The following KCNH1 variants were observed in gnomAD, a reference collection of about 807,000 sequenced individuals.
KCNH1 encodes the protein potassium voltage-gated channel subfamily H member 1.
Under a neutral mutation model 69.2 loss-of-function variants are expected in KCNH1, and 27 were observed. The observed-to-expected ratio is 0.39, with a 90% CI of 0.29 to 0.54. The LOEUF is 0.54. Among genes scored for constraint, KCNH1 ranks in the 20% least tolerant of loss-of-function variants. The pLI, the probability that KCNH1 is intolerant of heterozygous loss-of-function variation, is 0.68. For synonymous variants in KCNH1, 456 were observed against 487.7 expected (o/e 0.93, Z 0.86); for missense variants, 798 against 1,261.6 (o/e 0.63, Z 5.57).
chr1:210,726,890 A>G lies in KCNH1; in HGVS notation c.2113-42752T>C, dbSNP rs1256306127. The stretch of plus-strand genomic sequence containing the variant: ...AGAAGTGCCTGCTTACTCAACCCTC[A>G]ATAGAGAGGGGTGGGTATGGAAACC... On this transcript the variant is annotated intron_variant, in intron 10 of 10. Transcript: ENST00000271751. Among the ~76,000 whole-genome samples, 12 of 152,080 alleles carry G rather than the reference A, an allele frequency of 7.9e-5. No homozygotes were observed. In the East Asian group the frequency reaches 2.3e-3, roughly 29 times the overall value.
intron 7 of KCNH1, among the ~76,000 whole-genome samples, chr1:210,903,493 T>C (rs1165849689): frequency 1.3e-5 from 2 of 152,232 alleles, no homozygotes; most frequent in Admixed American, 1.3e-4. Context: ...GAATATAGTA[T>C]GTATTTCATT....
chr1:210,690,343 C>G (rs1472972700), intron 10 of KCNH1, among the ~76,000 whole-genome samples: 1 of 152,122 alleles, frequency 6.6e-6, no homozygotes, highest in Non-Finnish European at 1.5e-5. Context: ...TAGTAGGAGC[C>G]AGGCCTCTTC....
chr1:210,712,374 G>A (rs1462849627), intron 10 of KCNH1, among the ~76,000 whole-genome samples: 1 of 152,124 alleles, frequency 6.6e-6, no homozygotes, highest in Non-Finnish European at 1.5e-5. Flanking sequence ...ACACTTCCTG[G>A]TACTTGAAAT....
intron 7 of KCNH1, chr1:210,860,069 C>T (rs1177593804): frequency 1.6e-5 from 22 of 1,400,184 alleles, no homozygotes; most frequent in Admixed American, 1.2e-4. Flanking sequence ...ACAATTTTGC[C>T]GTATGACACG....
intron 10 of KCNH1, among the ~76,000 whole-genome samples, chr1:210,745,158 C>CTACT (rs71134636): frequency 6.6e-6 from 1 of 150,588 alleles, no homozygotes. Flanking sequence ...GAGTGGAGGT[C>CTACT]ATGCCACTGC....
chr1:210,859,235 A>T, intron 7 of KCNH1: 1 of 1,612,436 alleles, frequency 6.2e-7, no homozygotes, highest in Non-Finnish European at 8.5e-7. Flanking sequence ...TGGAGCACTG[A>T]ATTTGTATCC....
chr1:210,693,824 T>C (rs1310770582), intron 10 of KCNH1, among the ~76,000 whole-genome samples: 2 of 152,160 alleles, frequency 1.3e-5, no homozygotes, highest in Admixed American at 6.5e-5. Flanking sequence ...TTTGCAGCCT[T>C]GTGGGTATCC....
intron 5 of KCNH1, among the ~76,000 whole-genome samples, chr1:211,046,475 G>A (rs538318966): frequency 2.0e-5 from 3 of 152,214 alleles, no homozygotes; most frequent in African/African-American, 7.2e-5. Flanking sequence ...CTTACTACAT[G>A]CCCTACCCTG....
chr1:210,903,804 G>C (rs17017030), intron 7 of KCNH1, among the ~76,000 whole-genome samples: 10,204 of 152,168 alleles, frequency 0.067, 667 homozygotes, highest in African/African-American at 0.16. Flanking sequence ...TCTCAGGAAG[G>C]GAGAGATGAA....
intron 5 of KCNH1, among the ~76,000 whole-genome samples, chr1:211,019,838 C>G (rs561988677): frequency 2.6e-5 from 4 of 152,046 alleles, no homozygotes; most frequent in Non-Finnish European, 4.4e-5. Context: ...CACTAGAAAT[C>G]AAAACATGTG....
intron 8 of KCNH1, among the ~76,000 whole-genome samples, chr1:210,800,695 A>G (rs1684410463): frequency 6.6e-6 from 1 of 152,024 alleles, no homozygotes; most frequent in Admixed American, 6.6e-5. Context: ...CAACTCTGAG[A>G]TCCCACAGCC....
At chr1:210,949,623 C>T (rs531346708) in intron 6 of KCNH1, among the ~76,000 whole-genome samples, 97 of 152,290 alleles carry the variant, frequency 6.4e-4, no homozygotes, top group African/African-American at 2.2e-3. Flanking sequence ...GAGGGGAACA[C>T]GCAAAACAGC....
intron 6 of KCNH1, among the ~76,000 whole-genome samples, chr1:210,932,332 T>C (rs1687693624): frequency 1.3e-5 from 2 of 151,962 alleles, no homozygotes; most frequent in African/African-American, 4.8e-5. Flanking sequence ...CACAAAAACA[T>C]ATGAAAGTAT....
intron 5 of KCNH1, among the ~76,000 whole-genome samples, chr1:211,025,951 G>A (rs1689675183): frequency 1.3e-5 from 2 of 152,096 alleles, no homozygotes; most frequent in South Asian, 4.1e-4. Context: ...ATCACCAATA[G>A]TCTGGGCTTC....
chr1:211,096,662 A>G (rs986189147), intron 3 of KCNH1, among the ~76,000 whole-genome samples: 4 of 152,180 alleles, frequency 2.6e-5, no homozygotes, highest in South Asian at 4.1e-4. Flanking sequence ...GTAAGATTCC[A>G]TTTTATAAGA....
chr1:210,974,561 CTTTT>C lies in KCNH1; in HGVS notation c.1032+44218_1032+44221del, dbSNP rs11321855. ...TAGAATTTTTATGTGTTTCTTCATC[CTTTT>C]TTTTTTTTTTTTTTTTGAGATGGAG... On this transcript the variant is annotated intron_variant, in intron 6 of 10. Coordinates refer to ENST00000271751, the MANE Select transcript of KCNH1 (RefSeq NM_172362.3). Among the ~76,000 whole-genome samples, 10 of 95,242 alleles carry C rather than the reference CTTTT, an allele frequency of 1.0e-4. No individual in the cohort carries two copies. The South Asian group carries it at 1.5e-3, about 14-fold the overall frequency. 62.5% of individuals were successfully genotyped at this position (95,242 alleles called of 152,430 possible). A position where few individuals can be genotyped will look rare whatever the true frequency, so the allele number is the denominator to read the frequency against.
chr1:211,023,164 T>TAAAA (rs376660361), intron 5 of KCNH1, among the ~76,000 whole-genome samples: 1 of 117,846 alleles, frequency 8.5e-6, no homozygotes, highest in Non-Finnish European at 1.8e-5. Flanking sequence ...ATAAATAAAT[T>TAAAA]AAAAATGCTG....
At chr1:210,976,659 T>A (rs1228735267) in intron 6 of KCNH1, among the ~76,000 whole-genome samples, 7 of 148,880 alleles carry the variant, frequency 4.7e-5, no homozygotes, top group African/African-American at 1.2e-4. Context: ...CACATGTATG[T>A]TTACTGCGGC....
At chr1:211,119,290 G>C (rs1412126955) in intron 1 of KCNH1, among the ~76,000 whole-genome samples, 2 of 152,110 alleles carry the variant, frequency 1.3e-5, no homozygotes, top group Admixed American at 1.3e-4. Flanking sequence ...AACCCAGGAG[G>C]CAGAGCTTGC....
Sources: allele counts gnomAD v4.1 joint callset (sites outside exome capture counted in the v4.1 genomes callset), GRCh38; gene constraint gnomAD v4.1.1; transcripts MANE v1.5; gene names NCBI Gene and HGNC (gene_info 2026-07-23, HGNC 2026-07-21).